Variants in SOAT1 observed in about 807,000 individuals in gnomAD.
The protein encoded by SOAT1 is sterol O-acyltransferase 1.
Under a neutral mutation model 69.5 loss-of-function variants are expected in SOAT1, and 55 were observed. That is an observed-to-expected ratio of 0.79 (90% CI 0.64 to 0.99). The LOEUF (loss-of-function observed/expected upper bound fraction) is 0.99, where lower values mean the gene tolerates loss of function less well. Ranked by LOEUF, SOAT1 falls within the 50% of genes least tolerant of loss-of-function variation. SOAT1 has a pLI of 0.00. For synonymous variants in SOAT1, 231 were observed against 224.7 expected (o/e 1.03, Z -0.25); for missense variants, 580 against 669.3 (o/e 0.87, Z 1.47).
intron 11 of SOAT1, among the ~76,000 whole-genome samples, chr1:179,345,499 G>T (rs533165000): frequency 1.3e-5 from 2 of 151,982 alleles, no homozygotes; most frequent in South Asian, 4.2e-4. Flanking sequence ...CCTTATCCAA[G>T]TTGACCTCCA....
chr1:179,303,134 A>G (rs1281295329), intron 2 of SOAT1, among the ~76,000 whole-genome samples: 1 of 152,190 alleles, frequency 6.6e-6, no homozygotes, highest in East Asian at 1.9e-4. Context: ...GTGAATGACA[A>G]AACCTCCAAA....
At position 179,353,211 on chromosome 1, in the gene SOAT1, A is replaced by ATATATATATATT. The variant is rs1553248889; in HGVS notation, c.1597-363_1597-362insTTATATATATAT. ...ATCTAAATGGTGGTTATATATAAATATATATATATATATCTATTTGTCGTC... is the reference window on the plus strand; with the variant it reads ...ATCTAAATGGTGGTTATATATAAATATATATATATATTTATATATATATATCTATTTGTCGTC... On this transcript the variant is annotated intron_variant, in intron 15 of 15. Transcript: ENST00000367619. 4.6e-5 allele frequency among the ~76,000 whole-genome samples: 3 copies of ATATATATATATT among 64,522 alleles called. 1 individual carries two copies. The highest frequency in any genetic ancestry group is 9.5e-5 in the Non-Finnish European group (3 of 31,560). The allele number at this position is 64,522 out of a possible 152,430, so 42.3% of individuals were successfully genotyped here.
intron 3 of SOAT1, among the ~76,000 whole-genome samples, chr1:179,331,976 A>G (rs1558050278): frequency 6.6e-6 from 1 of 152,206 alleles, no homozygotes; most frequent in Non-Finnish European, 1.5e-5. Flanking sequence ...AAAACCATTT[A>G]TGAAGAAATT....
chr1:179,320,908 T>C (rs1665574852), intron 2 of SOAT1, among the ~76,000 whole-genome samples: 1 of 150,346 alleles, frequency 6.7e-6, no homozygotes, highest in Admixed American at 6.6e-5. Context: ...CAAATTTTTG[T>C]ATTTTTTTTT....
intron 4 of SOAT1, 39 bp from the exon 5 acceptor site, chr1:179,337,798 G>C (rs187622872): frequency 7.0e-7 from 1 of 1,420,350 alleles, no homozygotes; most frequent in South Asian, 1.2e-5. Flanking sequence ...TATAATACTT[G>C]AAGTACTTAT....
At position 179,327,598 on chromosome 1, in the gene SOAT1, A is replaced by G. The variant is rs200595275; in HGVS notation, c.177+4103A>G. On this transcript the variant is annotated intron_variant, in intron 3 of 15. Coordinates refer to ENST00000367619, the MANE Select transcript of SOAT1 (RefSeq NM_003101.6). Reference sequence around the variant, plus strand: ...GATAAACAATGAATACTTTTTTAGTAATCATGCAATATTTGAGACAGACTA... The same window carrying G: ...GATAAACAATGAATACTTTTTTAGTGATCATGCAATATTTGAGACAGACTA... 6.6e-5 allele frequency among the ~76,000 whole-genome samples: 10 copies of G among 152,358 alleles called. No homozygotes were observed. In the East Asian group the frequency reaches 1.9e-3, roughly 29 times the overall value.
chr1:179,348,542 T>C (rs1216945303), intron 12 of SOAT1, among the ~76,000 whole-genome samples: 2 of 152,160 alleles, frequency 1.3e-5, no homozygotes, highest in African/African-American at 2.4e-5. Context: ...GCTGTTTAGA[T>C]GAACATTAGA....
chr1:179,344,326 T>G (rs2124996355), intron 10 of SOAT1, among the ~76,000 whole-genome samples: 1 of 147,750 alleles, frequency 6.8e-6, no homozygotes, highest in African/African-American at 2.5e-5. Context: ...AAATGCCCAT[T>G]TATGAAGTAA....
chr1:179,351,496 C>T (rs1360814911), intron 15 of SOAT1, 34 bp downstream of exon 15: 2 of 1,604,336 alleles, frequency 1.2e-6, no homozygotes, highest in Admixed American at 1.7e-5. Flanking sequence ...TGCAAAAGAA[C>T]CTGTTTATTC....
intron 3 of SOAT1, among the ~76,000 whole-genome samples, chr1:179,334,874 G>A (rs1666092693): frequency 6.6e-6 from 1 of 152,026 alleles, no homozygotes; most frequent in African/African-American, 2.4e-5. Context: ...AATTAGCCAG[G>A]TGTGGTGGCG....
rs1480102961 is a variant in SOAT1, at chr1:179,354,457, ATCACAAACT to A, written c.*818_*826del. On this transcript the variant is annotated 3_prime_UTR_variant, in exon 16 of 16. Transcript: ENST00000367619. ...GTCAATCATGTGTTTAAATTATTTT[ATCACAAACT>A]TAACATGGAAGATATTCCTTTTTAA... 6.6e-6 allele frequency: 1 copy of A among 152,260 alleles called. No homozygotes were observed. Among genetic ancestry groups the A allele is most frequent in the Admixed American group, 6.5e-5 (1 of 15,276 alleles). The allele number at this position is 152,260 out of a possible 1,614,324, so 9.4% of individuals were successfully genotyped here. A position where few individuals can be genotyped will look rare whatever the true frequency, so the allele number is the denominator to read the frequency against.
At chr1:179,340,713 T>G (rs1434288019) in intron 6 of SOAT1, among the ~76,000 whole-genome samples, 1 of 152,118 alleles carries the variant, frequency 6.6e-6, no homozygotes, top group Non-Finnish European at 1.5e-5. Context: ...TGTGAGAATC[T>G]AATCTTTCAG....
At chr1:179,322,203 A>G (rs970877897) in intron 2 of SOAT1, among the ~76,000 whole-genome samples, 6 of 151,936 alleles carry the variant, frequency 3.9e-5, no homozygotes, top group Non-Finnish European at 1.5e-5. Flanking sequence ...TATGTTTTCA[A>G]GTTTCACTTT....
rs200578626 is a variant in SOAT1, at chr1:179,341,067, C to G, written c.537C>G (p.Gly179=). ...TCAGCCTCCTGTCTTATGCTTTTGG[C>G]AAATTTCCTACCGTTGTTTGGACCT... The part of the protein sequence containing the change: ...LEFSLLSYAF[G]KFPTVVWTWW... The change falls in exon 7 of 16, where the codon GGC becomes GGG. Residue 179 remains glycine (G), a synonymous_variant. Transcript: ENST00000367619. The G allele has an allele frequency of 1.2e-6, 2 of 1,614,096 alleles. No homozygotes were observed. Among genetic ancestry groups the G allele is most frequent in the Non-Finnish European group, 1.7e-6 (2 of 1,180,004 alleles).
At position 179,350,512 on chromosome 1, in the gene SOAT1, G is replaced by A; in HGVS notation, c.1450+81G>A. 9.8e-6 allele frequency: 13 copies of A among 1,329,496 alleles called. No individual in the cohort carries two copies. The South Asian group carries it at 1.3e-4, about 14-fold the overall frequency. The allele number at this position is 1,329,496 out of a possible 1,614,324, so 82.4% of individuals were successfully genotyped here. A position where few individuals can be genotyped will look rare whatever the true frequency, so the allele number is the denominator to read the frequency against. On this transcript the variant is annotated intron_variant, in intron 14 of 15. Coordinates refer to ENST00000367619, the MANE Select transcript of SOAT1 (RefSeq NM_003101.6). Reference sequence around the variant, plus strand: ...ATAGAAAGGAAACTATAAAATCAATGTAGGAGAACTAGATAGTAGTAGTAA... The same window carrying A: ...ATAGAAAGGAAACTATAAAATCAATATAGGAGAACTAGATAGTAGTAGTAA...
intron 1 of SOAT1, among the ~76,000 whole-genome samples, chr1:179,300,925 G>A (rs955127838): frequency 2.0e-5 from 3 of 151,980 alleles, no homozygotes; most frequent in Admixed American, 6.6e-5. Flanking sequence ...GTGAAACCCT[G>A]TCTCTACTAA....
intron 2 of SOAT1, among the ~76,000 whole-genome samples, chr1:179,318,901 GC>G (rs1216357639): frequency 2.0e-5 from 3 of 151,950 alleles, no homozygotes; most frequent in African/African-American, 4.8e-5. Flanking sequence ...GACTAATGCT[GC>G]CCATGAATAT....
chr1:179,333,480 T>C (rs1024327569), intron 3 of SOAT1, among the ~76,000 whole-genome samples: 7 of 151,336 alleles, frequency 4.6e-5, no homozygotes. Context: ...GGTGGGCGGA[T>C]CACTTGAGGC....
chr1:179,301,016 A>C (rs1408827143), intron 1 of SOAT1, among the ~76,000 whole-genome samples: 1 of 152,140 alleles, frequency 6.6e-6, no homozygotes, highest in Non-Finnish European at 1.5e-5. Context: ...AATTGCCTGA[A>C]CCCAGGAGGC....
Sources: gnomAD v4.1 joint callset for allele counts (sites outside exome capture counted in the v4.1 genomes callset) on GRCh38, gnomAD v4.1.1 for gene constraint, MANE v1.5 for transcripts, NCBI Gene and HGNC (gene_info 2026-07-23, HGNC 2026-07-21) for gene names.